The following DPP6 variants were observed in gnomAD, a reference collection of about 807,000 sequenced individuals.
The protein encoded by DPP6 is A-type potassium channel modulatory protein DPP6.
DPP6 carries 69 observed loss-of-function variants against 122.6 expected under a neutral mutation model. That is an observed-to-expected ratio of 0.56 (90% CI 0.46 to 0.69). The LOEUF (loss-of-function observed/expected upper bound fraction) is 0.69. Ranked by LOEUF, DPP6 falls within the 30% of genes least tolerant of loss-of-function variation. The pLI is 0.00. For synonymous variants in DPP6, 418 were observed against 433.1 expected (o/e 0.97, Z 0.43); for missense variants, 928 against 1,116.9 (o/e 0.83, Z 2.41).
chr7:154,463,449 C>T (rs1217626176), intron 2 of DPP6, among the ~76,000 whole-genome samples: 1 of 151,904 alleles, frequency 6.6e-6, no homozygotes, highest in Non-Finnish European at 1.5e-5. Flanking sequence ...CCTCGTGATC[C>T]GCCCGTCTCG....
intron 1 of DPP6, among the ~76,000 whole-genome samples, chr7:154,053,561 T>C (rs1461320499): frequency 1.3e-5 from 2 of 150,844 alleles, no homozygotes; most frequent in African/African-American, 4.9e-5. Context: ...CTCAAATGCC[T>C]CTCCTTCGTT....
At chr7:153,948,116 A>C (rs1176292806) in intron 1 of DPP6, among the ~76,000 whole-genome samples, 1 of 152,204 alleles carries the variant, frequency 6.6e-6, no homozygotes, top group Non-Finnish European at 1.5e-5. Context: ...GGTATTGGGC[A>C]TTGGGACTTC....
chr7:154,080,471 C>G (rs566982337), intron 1 of DPP6, among the ~76,000 whole-genome samples: 1 of 152,188 alleles, frequency 6.6e-6, no homozygotes. Context: ...TAGACCAAAG[C>G]GACCTTGATG....
intron 1 of DPP6, among the ~76,000 whole-genome samples, chr7:153,999,591 C>A (rs1255982549): frequency 1.3e-5 from 2 of 152,222 alleles, no homozygotes; most frequent in East Asian, 3.9e-4. Context: ...AAGGATAAGT[C>A]CTTAAGGCAG....
At chr7:154,215,817 G>A (rs1799965529) in intron 1 of DPP6, among the ~76,000 whole-genome samples, 1 of 152,094 alleles carries the variant, frequency 6.6e-6, no homozygotes, top group South Asian at 2.1e-4. Flanking sequence ...GGGTCGCCAG[G>A]TTCTTTGATT....
At chr7:154,082,376 G>T (rs531365347) in intron 1 of DPP6, among the ~76,000 whole-genome samples, 1 of 152,256 alleles carries the variant, frequency 6.6e-6, no homozygotes, top group Non-Finnish European at 1.5e-5. Context: ...GGGAAAGCTG[G>T]AAAATTGATC....
In DPP6 at chr7:153,910,241, T is replaced by C. The variant is rs12536032; in HGVS notation, c.51+22507T>C. Reference sequence around the variant, plus strand: ...TGACCACTTTCTTTCTTTCTTTTTTTTTTTTTGAGATGGAGTCTCGCTCTG... The same window carrying C: ...TGACCACTTTCTTTCTTTCTTTTTTCTTTTTTGAGATGGAGTCTCGCTCTG... On this transcript the variant is annotated intron_variant, in intron 1 of 25. Transcript: ENST00000404039. Among the ~76,000 whole-genome samples, 16 of 89,354 alleles carry C rather than the reference T, an allele frequency of 1.8e-4. 1 individual carries two copies. Among genetic ancestry groups the C allele is most frequent in the Non-Finnish European group, 2.7e-4 (11 of 41,032 alleles). The allele number at this position is 89,354 out of a possible 152,430, so 58.6% of individuals were successfully genotyped here. A position where few individuals can be genotyped will look rare whatever the true frequency, so the allele number is the denominator to read the frequency against.
chr7:153,761,900 A>G, the DPP6 span, among the ~76,000 whole-genome samples: 1 of 152,236 alleles, frequency 6.6e-6, no homozygotes, highest in African/African-American at 2.4e-5. Flanking sequence ...CAACAGAATA[A>G]AATACCCAGG....
intron 1 of DPP6, among the ~76,000 whole-genome samples, chr7:154,170,013 T>C (rs1797454119): frequency 6.6e-6 from 1 of 152,192 alleles, no homozygotes; most frequent in Non-Finnish European, 1.5e-5. Flanking sequence ...CATGAGCCAC[T>C]GCGCTTGGCC....
chr7:154,406,792 T>TACTAC (rs1816154525), intron 1 of DPP6, among the ~76,000 whole-genome samples: 3 of 152,100 alleles, frequency 2.0e-5, no homozygotes, highest in Middle Eastern at 3.2e-3. Context: ...AAAACACCAT[T>TACTAC]CTGTTTTAGC....
intron 12 of DPP6, among the ~76,000 whole-genome samples, chr7:154,797,861 C>T (rs1329549357): frequency 6.6e-6 from 1 of 152,144 alleles, no homozygotes; most frequent in Admixed American, 6.5e-5. Context: ...ATGGTACATC[C>T]TAGACAGGGA....
intron 1 of DPP6, among the ~76,000 whole-genome samples, chr7:153,923,069 C>T (rs891644449): frequency 6.6e-6 from 1 of 152,226 alleles, no homozygotes; most frequent in African/African-American, 2.4e-5. Context: ...CTTGGACCTT[C>T]AATCCCCAGA....
At chr7:153,945,659 A>C (rs536003390) in intron 1 of DPP6, among the ~76,000 whole-genome samples, 1 of 152,300 alleles carries the variant, frequency 6.6e-6, no homozygotes, top group East Asian at 1.9e-4. Flanking sequence ...GGATACAAGT[A>C]AAGGTCTTAT....
chr7:153,995,792 T>TA (rs1441687162), intron 1 of DPP6, among the ~76,000 whole-genome samples: 2 of 152,110 alleles, frequency 1.3e-5, no homozygotes, highest in African/African-American at 4.8e-5. Context: ...AGATGGGAGA[T>TA]ACGGCATTCA....
intron 1 of DPP6, among the ~76,000 whole-genome samples, chr7:154,174,723 G>T (rs1291431185): frequency 6.6e-6 from 1 of 152,114 alleles, no homozygotes; most frequent in Non-Finnish European, 1.5e-5. Context: ...TTTTTCAGGA[G>T]ACATCGAGTC....
intron 6 of DPP6, among the ~76,000 whole-genome samples, chr7:154,659,593 C>T (rs1187751879): frequency 1.3e-5 from 2 of 152,210 alleles, no homozygotes; most frequent in Non-Finnish European, 2.9e-5. Flanking sequence ...ATTTTATACA[C>T]AGGAAACAAA....
chr7:154,791,815 C>G (rs982033866), intron 10 of DPP6, among the ~76,000 whole-genome samples: 1 of 152,236 alleles, frequency 6.6e-6, no homozygotes, highest in African/African-American at 2.4e-5. Flanking sequence ...CACCCCAGCC[C>G]CCTGGTTCCA....
At chr7:154,509,990 C>A (rs1255020369) in intron 3 of DPP6, among the ~76,000 whole-genome samples, 1 of 152,064 alleles carries the variant, frequency 6.6e-6, no homozygotes, top group Non-Finnish European at 1.5e-5. Flanking sequence ...TTTTGAGATT[C>A]TGAGAATATT....
chr7:154,083,133 G>A (rs1002107959), intron 1 of DPP6, among the ~76,000 whole-genome samples: 4 of 152,046 alleles, frequency 2.6e-5, no homozygotes, highest in African/African-American at 4.8e-5. Context: ...ACAGGCGTGA[G>A]CCACCGTGCC....
Sources: gnomAD v4.1 joint callset for allele counts (sites outside exome capture counted in the v4.1 genomes callset) on GRCh38, gnomAD v4.1.1 for gene constraint, MANE v1.5 for transcripts, NCBI Gene and HGNC (gene_info 2026-07-23, HGNC 2026-07-21) for gene names.